SSUH2: variants seen among roughly 807,000 people sequenced by gnomAD.
The protein encoded by SSUH2 is ssu-2 homolog, also known as protein SSUH2 homolog.
Under a neutral mutation model 55.3 loss-of-function variants are expected in SSUH2, and 47 were observed. The observed-to-expected ratio is 0.85, with a 90% CI of 0.67 to 1.08. The LOEUF (loss-of-function observed/expected upper bound fraction) is 1.08. SSUH2 is among the 50% of genes least tolerant of loss of function. The pLI is 0.00. For synonymous variants in SSUH2, 212 were observed against 191.5 expected, an observed-to-expected ratio of 1.11 and a Z score of -0.89; for missense variants, 535 against 490.7, an observed-to-expected ratio of 1.09 and a Z score of -0.85.
At chr3:8,663,978 A>G (rs1703741774) in intron 5 of SSUH2, 3 of 374,304 alleles carry the variant, frequency 8.0e-6, no homozygotes, top group South Asian at 6.0e-5. Context: ...TAACTTACAC[A>G]ATATAGCTTC....
At chr3:8,674,572 T>C (rs1180660211) in intron 3 of SSUH2, among the ~76,000 whole-genome samples, 1 of 152,118 alleles carries the variant, frequency 6.6e-6, no homozygotes, top group Non-Finnish European at 1.5e-5. Flanking sequence ...ACCGGAGCCA[T>C]GGGGGTTTCA....
chr3:8,636,000 A>C, intron 1 of SSUH2, 143 bp from the exon 2 acceptor site: 1 of 639,794 alleles, frequency 1.6e-6, no homozygotes, highest in Non-Finnish European at 2.7e-6. Flanking sequence ...CTTAGGACAC[A>C]GAATACATCT....
intron 3 of SSUH2, chr3:8,634,748 AG>A (rs1191370289): frequency 2.5e-6 from 1 of 396,112 alleles, no homozygotes; most frequent in Non-Finnish European, 4.8e-6. Context: ...CCCAGGTGAG[AG>A]GCTGGATTGA....
intron 3 of SSUH2, chr3:8,634,645 C>T: frequency 8.1e-7 from 1 of 1,236,022 alleles, no homozygotes; most frequent in Non-Finnish European, 1.1e-6. Context: ...CAGGGTTCTT[C>T]CTAAGCATGG....
At chr3:8,681,481 G>GT (rs1462326841) in intron 1 of SSUH2, among the ~76,000 whole-genome samples, 5 of 147,760 alleles carry the variant, frequency 3.4e-5, no homozygotes, top group Non-Finnish European at 6.0e-5. Flanking sequence ...GTCGTAGGGG[G>GT]GAGGCAGCCC....
intron 7 of SSUH2, among the ~76,000 whole-genome samples, chr3:8,653,536 A>G (rs1371240258): frequency 6.6e-6 from 1 of 152,248 alleles, no homozygotes; most frequent in Admixed American, 6.5e-5. Flanking sequence ...TCAACAGCAT[A>G]CACAGTTTTA....
At position 8,666,981 on chromosome 3, in the gene SSUH2, T is replaced by G. The variant is rs114908033; in HGVS notation, c.-454-3179A>C. 5.5e-3 allele frequency among the ~76,000 whole-genome samples: 842 copies of G among 152,284 alleles called. 4 individuals carry two copies. The highest frequency in any genetic ancestry group is 0.019 in the African/African-American group (780 of 41,566). On this transcript the variant is annotated intron_variant, in intron 5 of 18. Coordinates refer to the SSUH2 transcript ENST00000317371. The stretch of plus-strand genomic sequence containing the variant: ...GGTGCAGAGCTTCCATGCCCTCCCA[T>G]GCCACAGGGTGAATCCCAAAATTGG...
Position 8,627,780 on chromosome 3 carries a change from G to A in SSUH2, c.592C>T (p.Arg198Trp), listed in dbSNP as rs377451237. 1.2e-5 allele frequency: 19 copies of A among 1,608,582 alleles called. No individual in the cohort carries two copies. Among genetic ancestry groups the A allele is most frequent in the South Asian group, 8.8e-5 (8 of 90,470 alleles). The change falls in exon 8 of 12, where the codon CGG becomes TGG. Residue 198 changes from arginine (R) to tryptophan (W), a missense_variant. By Grantham distance (101) the Arg-to-Trp change is moderately radical. Transcript: ENST00000544814. ...CSGCHGAGTV[R>W]CPSCCGAKRK... ...TTGGCTCCGCAGCAGGATGGGCACCGCACCTGCAGACACACCACTGCCTCA... is the reference window on the plus strand; with the variant it reads ...TTGGCTCCGCAGCAGGATGGGCACCACACCTGCAGACACACCACTGCCTCA...
chr3:8,663,984 G>T (rs1703742262), intron 5 of SSUH2: 1 of 365,502 alleles, frequency 2.7e-6, no homozygotes, highest in Admixed American at 3.2e-5. Context: ...ACACAATATA[G>T]CTTCTAAGGG....
intron 8 of SSUH2, 104 bp from the exon 9 acceptor site, chr3:8,626,425 G>C: frequency 2.5e-6 from 2 of 810,994 alleles, no homozygotes; most frequent in East Asian, 5.0e-5. Context: ...GACTGTGGTG[G>C]GCCTGCATTG....
At chr3:8,659,923 T>C (rs1006358577) in intron 6 of SSUH2, 1 of 397,418 alleles carries the variant, frequency 2.5e-6, no homozygotes, top group Admixed American at 2.8e-5. Flanking sequence ...AGTTGGATCT[T>C]AAAGGGAGAA....
At chr3:8,624,689 T>G (rs1233329044) in intron 10 of SSUH2, among the ~76,000 whole-genome samples, 1 of 152,196 alleles carries the variant, frequency 6.6e-6, no homozygotes, top group African/African-American at 2.4e-5. Context: ...TGTCCCACCA[T>G]CAGGAAAGCG....
chr3:8,680,104 T>C (rs56993988), intron 1 of SSUH2, among the ~76,000 whole-genome samples: 9,697 of 152,252 alleles, frequency 0.064, 484 homozygotes, highest in East Asian at 0.26. Context: ...AGAGAAAAGA[T>C]GGCAGCTGGA....
intron 5 of SSUH2, among the ~76,000 whole-genome samples, chr3:8,670,384 C>T (rs190586934): frequency 1.6e-4 from 24 of 152,184 alleles, no homozygotes; most frequent in African/African-American, 5.1e-4. Context: ...GCGGTGTACA[C>T]ACATGATGTA....
intron 4 of SSUH2, 129 bp from the exon 5 acceptor site, chr3:8,632,238 G>T: frequency 1.4e-6 from 1 of 707,890 alleles, no homozygotes; most frequent in Non-Finnish European, 2.4e-6. Flanking sequence ...CAACACCCTC[G>T]GCTGCTGGAA....
intron 3 of SSUH2, chr3:8,677,078 C>G (rs1205439246): frequency 1.3e-5 from 2 of 149,804 alleles, no homozygotes; most frequent in African/African-American, 4.9e-5. Flanking sequence ...CCTCTTCCCC[C>G]TGTGGCTCTT....
intron 10 of SSUH2, among the ~76,000 whole-genome samples, chr3:8,624,377 C>T (rs753266824): frequency 3.9e-5 from 6 of 152,212 alleles, no homozygotes; most frequent in Admixed American, 6.5e-5. Flanking sequence ...CAGCCAGTGA[C>T]GCCTAGGGAT....
chr3:8,630,810 C>T lies in SSUH2; in HGVS notation c.520G>A (p.Val174Ile), dbSNP rs757266021. ...AATCGCGTTAATCGTATTACCTTGA[C>T]CAGTGACGAGTGAGGGACCTGGAAC... The part of the protein sequence containing the change: ...RKFQVPHSSL[V>I]KECHKCHGRG... Residue 174 changes from valine to isoleucine, a missense_variant, in exon 6 of 12, where the codon GTC (valine) becomes ATC (isoleucine). Val to Ile is a conservative substitution (Grantham distance 29). Transcript: ENST00000544814. 49 of 1,462,278 alleles carry T rather than the reference C, an allele frequency of 3.4e-5. No homozygotes were observed. Among genetic ancestry groups the T allele is most frequent in the South Asian group, 2.6e-4 (17 of 65,090 alleles). 90.6% of individuals were successfully genotyped at this position (1,462,278 alleles called of 1,614,324 possible). A position where few individuals can be genotyped will look rare whatever the true frequency, so the allele number is the denominator to read the frequency against.
At chr3:8,674,949 C>T (rs58962600) in intron 3 of SSUH2, among the ~76,000 whole-genome samples, 22,153 of 152,054 alleles carry the variant, frequency 0.15, 1,779 homozygotes, top group East Asian at 0.24. Flanking sequence ...ACCGGGTCCC[C>T]AGAGAAGCTC....
Sources: gnomAD v4.1 joint callset for allele counts (sites outside exome capture counted in the v4.1 genomes callset) on GRCh38, gnomAD v4.1.1 for gene constraint, MANE v1.5 for transcripts, NCBI Gene and HGNC (gene_info 2026-07-23, HGNC 2026-07-21) for gene names.